WDR81: variants seen among roughly 807,000 people sequenced by gnomAD.
WDR81 encodes WD repeat-containing protein 81.
WDR81 carries 92 observed loss-of-function variants against 140.8 expected under a neutral mutation model. The observed-to-expected ratio is 0.65, with a 90% CI of 0.55 to 0.78. WDR81 has a LOEUF of 0.78. Ranked by LOEUF, WDR81 falls within the 30% of genes least tolerant of loss-of-function variation. The pLI is 0.00. For missense variants in WDR81, 2,502 were observed against 2,636.4 expected (o/e 0.95, Z 1.12); for synonymous variants, 1,183 against 1,156.4 (o/e 1.02, Z -0.47).
At position 1,728,416 on chromosome 17, in the gene WDR81, G is replaced by C. The variant is rs1436697489; in HGVS notation, c.3457G>C (p.Glu1153Gln). The change falls in exon 1 of 10, where the codon GAG (glutamate) becomes CAG (glutamine). Residue 1153 changes from glutamate to glutamine, a missense_variant. Glu to Gln is a conservative substitution (Grantham distance 29). This residue lies in a region of WDR81 where 1,737 missense variants were observed against 1,843.0 expected (regional missense o/e 0.94). Transcript: ENST00000409644. ...GGACTTGAAGCAAAGCGAGGGCTCC[G>C]AGGAGGAAGAGGAGGAGGAGGACAG... ...SQDLKQSEGS[E>Q]EEEEEEDSCV... 6.2e-7 allele frequency: 1 copy of C among 1,612,624 alleles called. No individual in the cohort carries two copies. Among genetic ancestry groups the C allele is most frequent in the Non-Finnish European group, 8.5e-7 (1 of 1,179,666 alleles).
intron 1 of WDR81, among the ~76,000 whole-genome samples, chr17:1,729,106 C>A (rs183149738): frequency 1.6e-3 from 245 of 152,280 alleles, no homozygotes; most frequent in African/African-American, 4.2e-3. Flanking sequence ...GACGAGATGC[C>A]GCAGTGCAGA....
In WDR81 at chr17:1,735,993, T is replaced by A; in HGVS notation, c.5326-46T>A. On this transcript the variant is annotated intron_variant, in intron 8 of 9. Transcript: ENST00000409644. This position sits in a 1 kb window ranked among gnomAD's most constrained non-coding sequence, Gnocchi z 4.2. ...GTGGTGGGCAGGGCCTTGGGGAGTG[T>A]GAGATGGGAAGGTGGTGCCTCAGCT... 6.5e-7 allele frequency: 1 copy of A among 1,548,746 alleles called. No individual in the cohort carries two copies.
upstream of WDR81, among the ~76,000 whole-genome samples, chr17:1,721,203 A>G (rs2151156349): frequency 6.6e-6 from 1 of 152,108 alleles, no homozygotes; most frequent in East Asian, 1.9e-4. Flanking sequence ...TACTAAAAAT[A>G]TAAAATTTAG....
rs1905032818 is a variant in WDR81 at position 1,738,038 on chromosome 17, C to T, written c.*353C>T. ...CTCGGGAAGGGGAAGGGAGACTGGC[C>T]CTGCCCAGCCGGTCTCTAGCCCCTC... On this transcript the variant is annotated 3_prime_UTR_variant, in exon 10 of 10. Transcript: ENST00000409644. 2 of 358,558 alleles carry T rather than the reference C, an allele frequency of 5.6e-6. No individual in the cohort carries two copies. Among genetic ancestry groups the T allele is most frequent in the Non-Finnish European group, 1.0e-5 (2 of 194,504 alleles). The allele number at this position is 358,558 out of a possible 1,614,324, so 22.2% of individuals were successfully genotyped here. A position where few individuals can be genotyped will look rare whatever the true frequency, so the allele number is the denominator to read the frequency against.
At position 1,725,125 on chromosome 17, in the gene WDR81, G is replaced by A. The variant is rs1915137136; in HGVS notation, c.166G>A (p.Ala56Thr). Reference protein sequence around the residue: ...APAPGGTHVVALVPARWLASL... With the variant: ...APAPGGTHVVTLVPARWLASL... Reference sequence around the variant, plus strand: ...GGCCCCGGGGGGCACCCACGTGGTGGCCCTAGTGCCTGCGCGCTGGCTGGC... The same window carrying A: ...GGCCCCGGGGGGCACCCACGTGGTGACCCTAGTGCCTGCGCGCTGGCTGGC... Residue 56 changes from alanine to threonine, a missense_variant, in exon 1 of 10, where the codon GCC becomes ACC. This residue lies in a region of WDR81 where 547 missense variants were observed against 513.8 expected (regional missense o/e 1.06). Transcript: ENST00000409644. 1.3e-6 allele frequency: 2 copies of A among 1,525,560 alleles called. No individual in the cohort carries two copies. The highest frequency in any genetic ancestry group is 2.0e-5 in the Admixed American group (1 of 50,188). The allele number at this position is 1,525,560 out of a possible 1,614,324, so 94.5% of individuals were successfully genotyped here. A position where few individuals can be genotyped will look rare whatever the true frequency, so the allele number is the denominator to read the frequency against.
chr17:1,719,057 C>T (rs1914730724), intron 1 of WDR81, among the ~76,000 whole-genome samples: 1 of 152,088 alleles, frequency 6.6e-6, no homozygotes, highest in Non-Finnish European at 1.5e-5. Flanking sequence ...AAAAGTATCT[C>T]CAGACGTTAC....
chr17:1,732,213 G>C, intron 4 of WDR81, 112 bp from the exon 5 acceptor site: 8 of 1,435,802 alleles, frequency 5.6e-6, no homozygotes, highest in Non-Finnish European at 6.5e-6. Flanking sequence ...CTCCAGCCTG[G>C]ATGACAGAGC....
intron 1 of WDR81, among the ~76,000 whole-genome samples, chr17:1,717,994 GA>G (rs1275299811): frequency 2.6e-5 from 4 of 152,144 alleles, no homozygotes; most frequent in Non-Finnish European, 5.9e-5. Context: ...TTGGGGTTCA[GA>G]ACGCTGCTTC....
upstream of WDR81, among the ~76,000 whole-genome samples, chr17:1,721,812 A>G (rs1433067140): frequency 7.3e-6 from 1 of 137,752 alleles, no homozygotes; most frequent in African/African-American, 2.7e-5. Flanking sequence ...ACAGAGTGAG[A>G]CTCTGTCTTA....
intron 1 of WDR81, 106 bp from the exon 2 acceptor site, chr17:1,730,274 G>T: frequency 1.1e-6 from 1 of 904,378 alleles, no homozygotes. Context: ...TGGGCTCTTG[G>T]CAGAGCTGCA....
In WDR81 at chr17:1,727,782, G is replaced by A. The variant is rs374675804; in HGVS notation, c.2823G>A (p.Thr941=). 75 of 1,550,582 alleles carry A rather than the reference G, an allele frequency of 4.8e-5. No individual in the cohort carries two copies. The highest frequency in any genetic ancestry group is 6.1e-5 in the Non-Finnish European group (70 of 1,147,004). ...CCGAGGAGCACACAGCTGTGTACACGGCCTGGTATCTGTTTGAGCCTGTTG... is the reference window on the plus strand; with the variant it reads ...CCGAGGAGCACACAGCTGTGTACACAGCCTGGTATCTGTTTGAGCCTGTTG... ...LMSEEHTAVY[T]AWYLFEPVAK... is the part of the protein sequence containing the mutation. The change falls in exon 1 of 10, where the codon ACG becomes ACA. Residue 941 remains threonine (T), a synonymous_variant. Coordinates refer to ENST00000409644, the MANE Select transcript of WDR81 (RefSeq NM_001163809.2).
rs200381666 is a variant in WDR81 at position 1,725,786 on chromosome 17, G to T, written c.827G>T (p.Arg276Leu). 18 of 1,550,636 alleles carry T rather than the reference G, an allele frequency of 1.2e-5. No homozygotes were observed. Among genetic ancestry groups the T allele is most frequent in the Non-Finnish European group, 1.6e-5 (18 of 1,147,002 alleles). The stretch of plus-strand genomic sequence containing the variant: ...CTGAGGGCTATGGACGCCTGTCACC[G>T]CCAGGGGCTGGCGTGTGGGGCCCTG... ...RVLRAMDACH[R>L]QGLACGALSL... The change falls in exon 1 of 10, where the codon CGC becomes CTC. Residue 276 changes from arginine to leucine, a missense_variant. Physicochemically the swap from Arg to Leu is moderately radical, Grantham distance 102. Coordinates refer to ENST00000409644, the MANE Select transcript of WDR81 (RefSeq NM_001163809.2).
intron 1 of WDR81, 44 bp downstream of exon 1, chr17:1,728,670 G>T: frequency 6.9e-7 from 1 of 1,440,106 alleles, no homozygotes. Context: ...AACACCTCCT[G>T]CTGGCCGAGC....
chr17:1,732,447 C>T lies in WDR81; in HGVS notation c.4280C>T (p.Thr1427Ile). The change falls in exon 5 of 10, where the codon ACC (threonine) becomes ATC (isoleucine). Residue 1427 changes from threonine to isoleucine, a missense_variant. Around this residue, in one of 3 missense-constraint regions of WDR81, gnomAD observed 1,737 missense variants for 1,843.0 expected, o/e 0.94. Coordinates refer to ENST00000409644, the MANE Select transcript of WDR81 (RefSeq NM_001163809.2). ...VQQHLSEPVA[T>I]FFQVFSQLHE... Reference sequence around the variant, plus strand: ...CAGCACCTGAGCGAGCCCGTGGCCACCTTTTTCCAGGTCTTCTCTCAGCTG... The same window carrying T: ...CAGCACCTGAGCGAGCCCGTGGCCATCTTTTTCCAGGTCTTCTCTCAGCTG... The T allele has an allele frequency of 1.2e-6, 2 of 1,613,542 alleles. No homozygotes were observed. Among genetic ancestry groups the T allele is most frequent in the East Asian group, 2.2e-5 (1 of 44,880 alleles).
intron 4 of WDR81, among the ~76,000 whole-genome samples, chr17:1,732,014 G>T (rs548397925): frequency 6.6e-6 from 1 of 151,580 alleles, no homozygotes; most frequent in Non-Finnish European, 1.5e-5. Flanking sequence ...TGGGTGGATC[G>T]CTTGAGGTCA....
chr17:1,733,317 C>T (rs577423370), intron 6 of WDR81, among the ~76,000 whole-genome samples: 3 of 152,224 alleles, frequency 2.0e-5, no homozygotes, highest in East Asian at 3.8e-4. Flanking sequence ...CAGCACGGCA[C>T]GGCACATATA....
rs967989814 is a variant in WDR81 at position 1,726,260 on chromosome 17, C to A, written c.1301C>A (p.Pro434His). ...GCAGGCGGGGCGGGCGGCGGGGAAC[C>A]CCCTCATGTTCCCCACCACATCTCA... ...FVAGGAGGGE[P>H]PHVPHHISDV... is the part of the protein sequence containing the mutation. The change falls in exon 1 of 10, where the codon CCC (proline) becomes CAC (histidine). Residue 434 changes from proline (P) to histidine (H), a missense_variant. Around this residue, in one of 3 missense-constraint regions of WDR81, gnomAD observed 218 missense variants for 279.6 expected, o/e 0.78. Coordinates refer to ENST00000409644, the MANE Select transcript of WDR81 (RefSeq NM_001163809.2). 8 of 1,536,552 alleles carry A rather than the reference C, an allele frequency of 5.2e-6. No homozygotes were observed. Among genetic ancestry groups the A allele is most frequent in the Non-Finnish European group, 6.1e-6 (7 of 1,138,980 alleles).
intron 6 of WDR81, 162 bp downstream of exon 6, chr17:1,732,993 C>T (rs2151172397): frequency 1.1e-6 from 1 of 874,906 alleles, no homozygotes; most frequent in South Asian, 1.9e-5. Flanking sequence ...CCCAAGGTGA[C>T]ACACAAACAA....
chr17:1,732,866 G>C, intron 6 of WDR81, 35 bp downstream of exon 6: 1 of 1,562,904 alleles, frequency 6.4e-7, no homozygotes, highest in Non-Finnish European at 8.7e-7. Flanking sequence ...CACAGTCTTC[G>C]TGGCTGTCTC....
Sources: gnomAD v4.1 joint callset for allele counts (sites outside exome capture counted in the v4.1 genomes callset) on GRCh38, gnomAD v4.1.1 for gene constraint, gnomAD v4.1.1 regional missense constraint, Gnocchi (gnomAD v3.1) non-coding constraint, MANE v1.5 for transcripts, NCBI Gene and HGNC (gene_info 2026-07-23, HGNC 2026-07-21) for gene names.